The following ST6GALNAC3 variants were observed in gnomAD, a reference collection of about 807,000 sequenced individuals.
The protein encoded by ST6GALNAC3 is alpha-N-acetylgalactosaminide alpha-2,6-sialyltransferase 3.
In ST6GALNAC3, 25 loss-of-function variants were observed where a neutral mutation model predicts 32.7. The observed-to-expected ratio is 0.76, with a 90% CI of 0.56 to 1.07. The LOEUF (loss-of-function observed/expected upper bound fraction) is 1.07. ST6GALNAC3 is among the 50% of genes least tolerant of loss of function. The pLI, the probability that ST6GALNAC3 is intolerant of heterozygous loss-of-function variation, is 0.00. For synonymous variants in ST6GALNAC3, 129 were observed against 133.1 expected (o/e 0.97, Z 0.21); for missense variants, 355 against 382.4 (o/e 0.93, Z 0.60).
intron 3 of ST6GALNAC3, among the ~76,000 whole-genome samples, chr1:76,524,639 C>T (rs1295462762): frequency 1.3e-5 from 2 of 151,382 alleles, no homozygotes; most frequent in Non-Finnish European, 2.9e-5. Flanking sequence ...TGGTATCTTT[C>T]ACATGATGAA....
At chr1:76,300,221 TTG>T (rs1660649268) in intron 1 of ST6GALNAC3, among the ~76,000 whole-genome samples, 1 of 152,014 alleles carries the variant, frequency 6.6e-6, no homozygotes, top group Admixed American at 6.6e-5. Flanking sequence ...ATCTGCCCAA[TTG>T]AAAGATCAGA....
At chr1:76,422,803 G>C (rs1455103140) in intron 3 of ST6GALNAC3, among the ~76,000 whole-genome samples, 1 of 151,852 alleles carries the variant, frequency 6.6e-6, no homozygotes, top group Non-Finnish European at 1.5e-5. Context: ...TATTCTATTG[G>C]CATATTGTTG....
intron 3 of ST6GALNAC3, among the ~76,000 whole-genome samples, chr1:76,524,085 G>A (rs1472870633): frequency 6.6e-6 from 1 of 151,846 alleles, no homozygotes; most frequent in Non-Finnish European, 1.5e-5. Context: ...TTTTGTGTTT[G>A]TTTTGTTTTA....
At chr1:76,127,934 C>T (rs941444330) in intron 1 of ST6GALNAC3, among the ~76,000 whole-genome samples, 1 of 152,132 alleles carries the variant, frequency 6.6e-6, no homozygotes, top group African/African-American at 2.4e-5. Context: ...GCTTCATCTT[C>T]TGCTATTCTC....
In ST6GALNAC3 at chr1:76,203,456, T is replaced by C. The variant is rs566415420; in HGVS notation, c.19-110349T>C. Among the ~76,000 whole-genome samples, 5 of 152,330 alleles carry C rather than the reference T, an allele frequency of 3.3e-5. No individual in the cohort carries two copies. The South Asian group carries it at 8.3e-4, about 25-fold the overall frequency. On this transcript the variant is annotated intron_variant, in intron 1 of 4. Transcript: ENST00000328299. The stretch of plus-strand genomic sequence containing the variant: ...ATGATTCTGTTGCATGTGGAAGATT[T>C]AGAATCAGTGGTATAGACCCTGCTC...
chr1:76,525,478 C>T (rs1469908045), intron 3 of ST6GALNAC3, among the ~76,000 whole-genome samples: 1 of 151,840 alleles, frequency 6.6e-6, no homozygotes, highest in Non-Finnish European at 1.5e-5. Context: ...AGCCTCTGCT[C>T]CTTTCTTCCC....
At chr1:76,108,257 A>G (rs1647674248) in intron 1 of ST6GALNAC3, among the ~76,000 whole-genome samples, 1 of 152,352 alleles carries the variant, frequency 6.6e-6, no homozygotes, top group Non-Finnish European at 1.5e-5. Context: ...TTACTGGTCT[A>G]TGTGCCTCAA....
At chr1:76,350,974 G>A (rs1311261387) in intron 2 of ST6GALNAC3, among the ~76,000 whole-genome samples, 1 of 152,130 alleles carries the variant, frequency 6.6e-6, no homozygotes, top group Non-Finnish European at 1.5e-5. Context: ...ATGTGACTAA[G>A]AAAAGTGTTT....
intron 1 of ST6GALNAC3, among the ~76,000 whole-genome samples, chr1:76,299,871 A>C (rs973363639): frequency 6.6e-6 from 1 of 152,106 alleles, no homozygotes; most frequent in African/African-American, 2.4e-5. Flanking sequence ...ATTTTAAGAA[A>C]TATGCATAGC....
At chr1:76,425,900 C>G (rs1283323149) in intron 3 of ST6GALNAC3, among the ~76,000 whole-genome samples, 2 of 151,868 alleles carry the variant, frequency 1.3e-5, no homozygotes, top group East Asian at 3.9e-4. Context: ...GAAATCAAGA[C>G]CATGTGCTTT....
At chr1:76,343,199 AT>A (rs1182953660) in intron 2 of ST6GALNAC3, among the ~76,000 whole-genome samples, 6 of 152,182 alleles carry the variant, frequency 3.9e-5, no homozygotes, top group African/African-American at 1.4e-4. Context: ...GTTGTTCTCT[AT>A]TTTTTTGATA....
At chr1:76,467,387 C>G (rs952193799) in intron 3 of ST6GALNAC3, among the ~76,000 whole-genome samples, 1 of 151,912 alleles carries the variant, frequency 6.6e-6, no homozygotes, top group Non-Finnish European at 1.5e-5. Flanking sequence ...GGTGATCCAT[C>G]CCTGCTATGC....
At chr1:76,199,908 C>T (rs1403194409) in intron 1 of ST6GALNAC3, among the ~76,000 whole-genome samples, 1 of 152,052 alleles carries the variant, frequency 6.6e-6, no homozygotes, top group Non-Finnish European at 1.5e-5. Flanking sequence ...CCTGTTTGTC[C>T]TGAAGGAGTT....
intron 2 of ST6GALNAC3, among the ~76,000 whole-genome samples, chr1:76,370,835 C>T (rs1473193893): frequency 3.9e-5 from 6 of 151,974 alleles, no homozygotes; most frequent in African/African-American, 1.4e-4. Flanking sequence ...CATCAGTCTA[C>T]CCATTCACAT....
chr1:76,512,008 C>G (rs1251409684), intron 3 of ST6GALNAC3, among the ~76,000 whole-genome samples: 39 of 152,138 alleles, frequency 2.6e-4, no homozygotes. Flanking sequence ...TCATGGCGAT[C>G]TGAGAAATAT....
intron 1 of ST6GALNAC3, among the ~76,000 whole-genome samples, chr1:76,185,541 C>T (rs1425623491): frequency 6.6e-6 from 1 of 152,190 alleles, no homozygotes; most frequent in Non-Finnish European, 1.5e-5. Context: ...GTGGTTTCAT[C>T]TGTGCCTCAC....
At chr1:76,268,548 AAG>A (rs759328931) in intron 1 of ST6GALNAC3, among the ~76,000 whole-genome samples, 7 of 152,318 alleles carry the variant, frequency 4.6e-5, no homozygotes, top group Non-Finnish European at 8.8e-5. Context: ...TCTTGATTTG[AAG>A]AGAGAGAAAG....
chr1:76,113,303 C>T (rs1482993619), intron 1 of ST6GALNAC3, among the ~76,000 whole-genome samples: 1 of 144,692 alleles, frequency 6.9e-6, no homozygotes, highest in Non-Finnish European at 1.5e-5. Flanking sequence ...AGTCCAGCTT[C>T]CGCTCGGCAT....
chr1:76,410,940 C>T (rs183134495), intron 2 of ST6GALNAC3, among the ~76,000 whole-genome samples: 2 of 152,152 alleles, frequency 1.3e-5, no homozygotes, highest in Admixed American at 1.3e-4. Context: ...CAACACAATA[C>T]ATAAAACAAG....
Sources: allele counts gnomAD v4.1 joint callset (sites outside exome capture counted in the v4.1 genomes callset), GRCh38; gene constraint gnomAD v4.1.1; transcripts MANE v1.5; gene names NCBI Gene and HGNC (gene_info 2026-07-23, HGNC 2026-07-21).